GMCL1: variants seen among roughly 807,000 people sequenced by gnomAD.
GMCL1 encodes the protein germ cell-less 1, spermatogenesis associated.
GMCL1 carries 54 observed loss-of-function variants against 75.5 expected under a neutral mutation model. The ratio of observed to expected loss-of-function variants is 0.71; its 90% CI spans 0.57 to 0.90. The LOEUF (loss-of-function observed/expected upper bound fraction) is 0.90. Ranked by LOEUF, GMCL1 falls within the 40% of genes least tolerant of loss-of-function variation. GMCL1 has a pLI of 0.00. For synonymous variants in GMCL1, 210 were observed against 209.6 expected (o/e 1.00, Z -0.02); for missense variants, 537 against 622.7 (o/e 0.86, Z 1.47).
At chr2:69,837,010 G>A (rs936095817) in intron 1 of GMCL1, among the ~76,000 whole-genome samples, 7 of 152,140 alleles carry the variant, frequency 4.6e-5, no homozygotes, top group African/African-American at 1.2e-4. Flanking sequence ...GTTGCAAACC[G>A]TTTGTCCAGT....
intron 6 of GMCL1, among the ~76,000 whole-genome samples, chr2:69,847,155 C>T (rs567985370): frequency 1.3e-5 from 2 of 151,962 alleles, no homozygotes; most frequent in East Asian, 3.9e-4. Context: ...CAAAACAAAA[C>T]GTAGAAGTGG....
rs182729771 is a variant in GMCL1, at chr2:69,851,022, A to G, written c.934+1280A>G. On this transcript the variant is annotated intron_variant, in intron 8 of 13. Transcript: ENST00000282570. ...CTGTTCAGGTATGTTTCCTATTTTA[A>G]TGTCAGATTTGTCTTTTCTTATTGA... Among the ~76,000 whole-genome samples the G allele has an allele frequency of 2.6e-5, 4 of 152,258 alleles. No individual in the cohort carries two copies. In the East Asian group the frequency reaches 7.7e-4, roughly 29 times the overall value.
chr2:69,854,299 G>A (rs1675407875), intron 8 of GMCL1, among the ~76,000 whole-genome samples: 1 of 152,280 alleles, frequency 6.6e-6, no homozygotes, highest in South Asian at 2.1e-4. Flanking sequence ...ACAGGCGTGA[G>A]CCACCACGCC....
intron 6 of GMCL1, chr2:69,844,863 T>G: frequency 2.7e-6 from 1 of 374,670 alleles, no homozygotes; most frequent in Non-Finnish European, 5.7e-6. Context: ...CTGAACCAGG[T>G]CAAGGTATTC....
chr2:69,849,058 T>C (rs934461883), intron 7 of GMCL1, among the ~76,000 whole-genome samples: 3 of 152,212 alleles, frequency 2.0e-5, no homozygotes, highest in Admixed American at 1.3e-4. Context: ...TACATATATA[T>C]TAAACCTTTA....
intron 1 of GMCL1, among the ~76,000 whole-genome samples, chr2:69,835,515 G>A (rs532202385): frequency 5.3e-5 from 8 of 151,776 alleles, no homozygotes; most frequent in African/African-American, 1.7e-4. Context: ...AGGAGTAACT[G>A]GTGTATGGTG....
intron 9 of GMCL1, 111 bp downstream of exon 9, chr2:69,855,071 G>A (rs2103997373): frequency 1.2e-6 from 1 of 853,526 alleles, no homozygotes; most frequent in South Asian, 1.8e-5. Flanking sequence ...TCCCAAAAAG[G>A]TATACATCTT....
chr2:69,861,587 A>G (rs57089412), intron 10 of GMCL1, among the ~76,000 whole-genome samples: 2,020 of 152,318 alleles, frequency 0.013, 65 homozygotes, highest in African/African-American at 0.047. Flanking sequence ...AAAATTGAAC[A>G]TGTAATCCAT....
chr2:69,856,580 C>T (rs1465456179), intron 9 of GMCL1, among the ~76,000 whole-genome samples: 3 of 151,686 alleles, frequency 2.0e-5, no homozygotes, highest in African/African-American at 7.3e-5. Flanking sequence ...CTATTCCTCC[C>T]AGACCTTTCT....
intron 8 of GMCL1, among the ~76,000 whole-genome samples, chr2:69,851,149 C>G (rs1021018395): frequency 3.9e-5 from 6 of 152,164 alleles, no homozygotes; most frequent in Admixed American, 2.0e-4. Flanking sequence ...TTAAAGATGT[C>G]TTTTTGGTTG....
intron 1 of GMCL1, among the ~76,000 whole-genome samples, chr2:69,836,576 G>C (rs1329490817): frequency 6.6e-6 from 1 of 152,146 alleles, no homozygotes; most frequent in Non-Finnish European, 1.5e-5. Context: ...AAGTACACAG[G>C]TGTTAAATTC....
Position 69,852,483 on chromosome 2 carries a change from ATAG to A in GMCL1, c.935-2339_935-2337del, listed in dbSNP as rs1317282184. 2.5e-4 allele frequency among the ~76,000 whole-genome samples: 35 copies of A among 138,738 alleles called. 1 individual carries two copies. In the South Asian group the frequency reaches 7.3e-3, roughly 29 times the overall value. The allele number at this position is 138,738 out of a possible 152,430, so 91.0% of individuals were successfully genotyped here. A position where few individuals can be genotyped will look rare whatever the true frequency, so the allele number is the denominator to read the frequency against. ...TATAAATAAGATGCATACTTAGGAA[ATAG>A]GATAGAAAAATCACCTGTGATCCCT... On this transcript the variant is annotated intron_variant, in intron 8 of 13. Coordinates refer to ENST00000282570, the MANE Select transcript of GMCL1 (RefSeq NM_178439.5).
At chr2:69,843,071 T>G in intron 4 of GMCL1, 78 bp from the exon 5 acceptor site, 1 of 598,022 alleles carries the variant, frequency 1.7e-6, no homozygotes, top group Non-Finnish European at 2.9e-6. Context: ...TTTCTTTTAC[T>G]TTTTAATATG....
At chr2:69,836,395 C>T (rs4420721) in intron 1 of GMCL1, among the ~76,000 whole-genome samples, 38,750 of 152,030 alleles carry the variant, frequency 0.25, 5,862 homozygotes, top group African/African-American at 0.42. Flanking sequence ...TACATTCTGC[C>T]GTCAGGAACT....
chr2:69,831,450 G>A (rs1039710792), intron 1 of GMCL1, among the ~76,000 whole-genome samples: 5 of 152,134 alleles, frequency 3.3e-5, no homozygotes, highest in South Asian at 2.1e-4. Context: ...TTCTAAAGGA[G>A]TCTCACTATA....
chr2:69,843,357 T>A, intron 5 of GMCL1, 96 bp downstream of exon 5: 2 of 626,330 alleles, frequency 3.2e-6, no homozygotes, highest in Middle Eastern at 2.7e-4. Context: ...AAAGAAAGAA[T>A]TAAGGAAAAA....
chr2:69,865,063 T>G (rs1221428458), intron 11 of GMCL1, 88 bp downstream of exon 11: 4 of 965,116 alleles, frequency 4.1e-6, no homozygotes, highest in Non-Finnish European at 6.6e-6. Flanking sequence ...ATGACACCTG[T>G]CATACCTCAG....
chr2:69,857,659 G>C (rs942493658), intron 9 of GMCL1, among the ~76,000 whole-genome samples: 1 of 152,088 alleles, frequency 6.6e-6, no homozygotes, highest in African/African-American at 2.4e-5. Context: ...ATAATTTTGT[G>C]TTAATATTTT....
chr2:69,869,629 G>A, intron 11 of GMCL1, 90 bp from the exon 12 acceptor site: 1 of 1,285,890 alleles, frequency 7.8e-7, no homozygotes, highest in Non-Finnish European at 1.1e-6. Flanking sequence ...TACTTGGAAT[G>A]AGTTAGAGAC....
Sources: allele counts gnomAD v4.1 joint callset (sites outside exome capture counted in the v4.1 genomes callset), GRCh38; gene constraint gnomAD v4.1.1; transcripts MANE v1.5; gene names NCBI Gene and HGNC (gene_info 2026-07-23, HGNC 2026-07-21).